BEGAIN: variants seen among roughly 807,000 people sequenced by gnomAD.
BEGAIN encodes brain-enriched guanylate kinase-associated protein.
In BEGAIN, 19 loss-of-function variants were observed where a neutral mutation model predicts 35.8. The observed-to-expected ratio is 0.53, with a 90% CI of 0.37 to 0.78. BEGAIN has a LOEUF of 0.78. BEGAIN is among the 30% of genes least tolerant of loss of function. The probability of loss-of-function intolerance (pLI) is 0.00; values close to 1 mark genes in which losing one functional copy is unlikely to be tolerated. For missense variants in BEGAIN, 795 were observed against 853.6 expected (o/e 0.93, Z 0.85); for synonymous variants, 462 against 388.6 (o/e 1.19, Z -2.22).
chr14:100,558,687 C>T lies in BEGAIN; in HGVS notation c.71+9224G>A, dbSNP rs562048395. On this transcript the variant is annotated intron_variant, in intron 2 of 6. Coordinates refer to ENST00000554140, the MANE Select transcript of BEGAIN (RefSeq NM_001385089.1). This position sits in a 1 kb window ranked among gnomAD's most constrained non-coding sequence, Gnocchi z 4.6. ...GCAAGACAAGTCCTCTCCTGTGCCTCGATGCATCCTTGACTCCTCTCTTTC... is the reference window on the plus strand; with the variant it reads ...GCAAGACAAGTCCTCTCCTGTGCCTTGATGCATCCTTGACTCCTCTCTTTC... Among the ~76,000 whole-genome samples the T allele has an allele frequency of 7.5e-4, 114 of 152,276 alleles. No individual in the cohort carries two copies. The highest frequency in any genetic ancestry group is 2.6e-3 in the African/African-American group (108 of 41,556).
At position 100,538,485 on chromosome 14, in the gene BEGAIN, G is replaced by A. The variant is rs747100442; in HGVS notation, c.1323C>T (p.Ser441=). The change falls in exon 7 of 7, where the codon AGC becomes AGT. Residue 441 remains serine, a synonymous_variant. Coordinates refer to ENST00000554140, the MANE Select transcript of BEGAIN (RefSeq NM_001385089.1). Reference sequence around the variant, plus strand: ...AGGAGTAGGCGCCGATGTCCTCCACGCTCAGGGGACGCCACTGGCCCCTCA... The same window carrying A: ...AGGAGTAGGCGCCGATGTCCTCCACACTCAGGGGACGCCACTGGCCCCTCA... ...EDMRGQWRPL[S]VEDIGAYSYP... The A allele has an allele frequency of 6.4e-7, 1 of 1,556,840 alleles. No homozygotes were observed. The highest frequency in any genetic ancestry group is 2.0e-5 in the Admixed American group (1 of 49,158).
chr14:100,555,519 T>TCAGACC (rs1484268421), intron 2 of BEGAIN, among the ~76,000 whole-genome samples: 2 of 152,184 alleles, frequency 1.3e-5, no homozygotes, highest in African/African-American at 4.8e-5. Flanking sequence ...CATTTAGTCC[T>TCAGACC]CAGACCCCCG....
intron 1 of BEGAIN, among the ~76,000 whole-genome samples, chr14:100,582,145 CT>C (rs1295194853): frequency 6.6e-6 from 1 of 152,058 alleles, no homozygotes; most frequent in Non-Finnish European, 1.5e-5. Flanking sequence ...TCCTTTCTTT[CT>C]TTTTTCTCTT....
Position 100,563,154 on chromosome 14 carries a change from T to G in BEGAIN, c.71+4757A>C, listed in dbSNP as rs1020368886. Among the ~76,000 whole-genome samples the G allele has an allele frequency of 6.6e-6, 1 of 152,220 alleles. No homozygotes were observed. Among genetic ancestry groups the G allele is most frequent in the Non-Finnish European group, 1.5e-5 (1 of 68,032 alleles). ...TGCAGAGTGTCTCAGCCTGGACAAGTGTCCGACATGGACAGGACCACAAGC... is the reference window on the plus strand; with the variant it reads ...TGCAGAGTGTCTCAGCCTGGACAAGGGTCCGACATGGACAGGACCACAAGC... On this transcript the variant is annotated intron_variant, in intron 2 of 6. Transcript: ENST00000554140. The surrounding 1 kb of genome is among the most constrained non-coding windows in gnomAD (Gnocchi z 4.2).
rs1425735075 is a variant in BEGAIN, at chr14:100,558,937, G to A, written c.71+8974C>T. Among the ~76,000 whole-genome samples the A allele has an allele frequency of 2.0e-5, 3 of 152,192 alleles. No homozygotes were observed. Among genetic ancestry groups the A allele is most frequent in the Non-Finnish European group, 4.4e-5 (3 of 68,034 alleles). ...GCTGGGAGCATGCCGGTGGGGCCAG[G>A]GCGCGTCCTGGAGATTGGTGTGGCC... On this transcript the variant is annotated intron_variant, in intron 2 of 6. Coordinates refer to ENST00000554140, the MANE Select transcript of BEGAIN (RefSeq NM_001385089.1). The surrounding 1 kb of genome is among the most constrained non-coding windows in gnomAD (Gnocchi z 4.6).
chr14:100,584,777 C>T (rs374567756), intron 1 of BEGAIN, among the ~76,000 whole-genome samples: 7 of 152,236 alleles, frequency 4.6e-5, no homozygotes, highest in African/African-American at 1.7e-4. Context: ...GGAACCAGAA[C>T]CCAGGGCTGC....
At position 100,538,657 on chromosome 14, in the gene BEGAIN, G is replaced by A; in HGVS notation, c.1151C>T (p.Ala384Val). The A allele has an allele frequency of 6.5e-7, 1 of 1,550,326 alleles. No individual in the cohort carries two copies. The highest frequency in any genetic ancestry group is 8.7e-7 in the Non-Finnish European group (1 of 1,146,790). ...TGACATGGTCCGCCCGAAGCCTGGG[G>A]CCACTTCGGCCTCCAGCGGGGCCGC... ...AVAAPLEAEVAPGFGRTMSPY... is the reference protein window; with the variant it reads ...AVAAPLEAEVVPGFGRTMSPY... The change falls in exon 7 of 7, where the codon GCC becomes GTC. Residue 384 changes from alanine to valine, a missense_variant. Physicochemically the swap from Ala to Val is moderately conservative, Grantham distance 64. Around this residue, in one of 3 missense-constraint regions of BEGAIN, gnomAD observed 664 missense variants for 647.7 expected, o/e 1.03. Coordinates refer to ENST00000554140, the MANE Select transcript of BEGAIN (RefSeq NM_001385089.1).
chr14:100,546,772 GCGCGCGCGCACACACACA>G (rs1429245911), intron 2 of BEGAIN, 110 bp from the exon 3 acceptor site: 1 of 791,798 alleles, frequency 1.3e-6, no homozygotes. Context: ...CGGCGCGCGC[GCGCGCGCGCACACACACA>G]CACACACACA....
intron 6 of BEGAIN, among the ~76,000 whole-genome samples, chr14:100,539,735 G>A (rs1398527781): frequency 6.6e-6 from 1 of 151,410 alleles, no homozygotes; most frequent in East Asian, 1.9e-4. Context: ...GGGTTCTACT[G>A]GGGGCATGAC....
intron 2 of BEGAIN, among the ~76,000 whole-genome samples, chr14:100,561,440 GTCAGAAAGCTTCCGAAATCTGC>G (rs1180469083): frequency 6.6e-6 from 1 of 152,198 alleles, no homozygotes; most frequent in Non-Finnish European, 1.5e-5. Flanking sequence ...GGCACTGAGA[GTCAGAAAGCTTCCGAAATCTGC>G]CCAAGGCCAG....
intron 2 of BEGAIN, among the ~76,000 whole-genome samples, chr14:100,561,469 C>A (rs2034247889): frequency 6.6e-6 from 1 of 152,176 alleles, no homozygotes; most frequent in African/African-American, 2.4e-5. Flanking sequence ...CTGCCCAAGG[C>A]CAGGTGTGGT....
At chr14:100,550,335 G>C (rs963962750) in intron 2 of BEGAIN, 4 of 398,414 alleles carry the variant, frequency 1.0e-5, no homozygotes, top group Admixed American at 4.4e-5. Context: ...CATCTGTCTC[G>C]GGGAGTTGGA....
rs554602113 is a variant in BEGAIN at position 100,563,561 on chromosome 14, C to T, written c.71+4350G>A. Among the ~76,000 whole-genome samples the T allele has an allele frequency of 1.1e-4, 16 of 152,338 alleles. No individual in the cohort carries two copies. The South Asian group carries it at 1.9e-3, about 18-fold the overall frequency. ...GGTAGAAAATGCGCACGGCCTTCGC[C>T]GGTGAGGAAACCCAGCGGGCAGCAA... On this transcript the variant is annotated intron_variant, in intron 2 of 6. Transcript: ENST00000554140. The surrounding 1 kb of genome is among the most constrained non-coding windows in gnomAD (Gnocchi z 4.2).
chr14:100,573,475 C>T lies in BEGAIN; in HGVS notation c.43-5536G>A, dbSNP rs1056770626. Reference sequence around the variant, plus strand: ...CTTCTGCCATGAGGTGGATGGGAGCCCCTGGAGGGATGAATGGGGGCGTCT... The same window carrying T: ...CTTCTGCCATGAGGTGGATGGGAGCTCCTGGAGGGATGAATGGGGGCGTCT... On this transcript the variant is annotated intron_variant, in intron 1 of 6. Transcript: ENST00000554140. This position sits in a 1 kb window ranked among gnomAD's most constrained non-coding sequence, Gnocchi z 4.2. Among the ~76,000 whole-genome samples the T allele has an allele frequency of 6.6e-6, 1 of 151,990 alleles. No individual in the cohort carries two copies. Among genetic ancestry groups the T allele is most frequent in the African/African-American group, 2.4e-5 (1 of 41,376 alleles).
chr14:100,538,655 G>C lies in BEGAIN; in HGVS notation c.1153C>G (p.Pro385Ala). ...GGTGACATGGTCCGCCCGAAGCCTG[G>C]GGCCACTTCGGCCTCCAGCGGGGCC... ...VAAPLEAEVA[P>A]GFGRTMSPYP... Residue 385 changes from proline to alanine, a missense_variant, in exon 7 of 7, where the codon CCA (proline) becomes GCA (alanine). By Grantham distance (27) the Pro-to-Ala change is conservative. Coordinates refer to ENST00000554140, the MANE Select transcript of BEGAIN (RefSeq NM_001385089.1). The C allele has an allele frequency of 6.5e-7, 1 of 1,550,340 alleles. No individual in the cohort carries two copies. Among genetic ancestry groups the C allele is most frequent in the Non-Finnish European group, 8.7e-7 (1 of 1,146,794 alleles).
intron 1 of BEGAIN, among the ~76,000 whole-genome samples, chr14:100,580,444 TCC>T (rs2035292409): frequency 1.3e-5 from 2 of 152,122 alleles, no homozygotes; most frequent in African/African-American, 4.8e-5. Flanking sequence ...CGCCCCGTGC[TCC>T]CCGCTGCCAA....
intron 2 of BEGAIN, among the ~76,000 whole-genome samples, chr14:100,559,586 C>T (rs898571780): frequency 2.0e-5 from 3 of 152,244 alleles, no homozygotes; most frequent in African/African-American, 7.2e-5. Context: ...AATTTGACCA[C>T]CCCACCAGGC....
In BEGAIN at chr14:100,573,404, G is replaced by A. The variant is rs911034164; in HGVS notation, c.43-5465C>T. 6.6e-6 allele frequency among the ~76,000 whole-genome samples: 1 copy of A among 152,128 alleles called. No homozygotes were observed. The highest frequency in any genetic ancestry group is 1.5e-5 in the Non-Finnish European group (1 of 67,992). On this transcript the variant is annotated intron_variant, in intron 1 of 6. Transcript: ENST00000554140. This position sits in a 1 kb window ranked among gnomAD's most constrained non-coding sequence, Gnocchi z 4.2. Reference sequence around the variant, plus strand: ...AAGCATCCCGGTCACCAGTGGGAAGGAGCAGCTGGGGTGCGGGGCCTCGTG... The same window carrying A: ...AAGCATCCCGGTCACCAGTGGGAAGAAGCAGCTGGGGTGCGGGGCCTCGTG...
At chr14:100,565,114 T>C (rs1366947610) in intron 2 of BEGAIN, among the ~76,000 whole-genome samples, 1 of 152,212 alleles carries the variant, frequency 6.6e-6, no homozygotes, top group Non-Finnish European at 1.5e-5. Flanking sequence ...TGTGGGCCTC[T>C]GTCCCCGGCA....
Sources: allele counts gnomAD v4.1 joint callset (sites outside exome capture counted in the v4.1 genomes callset), GRCh38; gene constraint gnomAD v4.1.1; regional missense constraint gnomAD v4.1.1; non-coding constraint Gnocchi (gnomAD v3.1); transcripts MANE v1.5; gene names NCBI Gene and HGNC (gene_info 2026-07-23, HGNC 2026-07-21).